NKAIN2: variants seen among roughly 807,000 people sequenced by gnomAD.
NKAIN2 encodes sodium/potassium-transporting ATPase subunit beta-1-interacting protein 2.
NKAIN2 carries 14 observed loss-of-function variants against 32.6 expected under a neutral mutation model. The ratio of observed to expected loss-of-function variants is 0.43; its 90% CI spans 0.28 to 0.67. The LOEUF is 0.67. Among genes scored for constraint, NKAIN2 ranks in the 30% least tolerant of loss-of-function variants. NKAIN2 has a pLI of 0.17. For missense variants in NKAIN2, 198 were observed against 258.3 expected, an observed-to-expected ratio of 0.77 and a Z score of 1.60; for synonymous variants, 80 against 87.2, an observed-to-expected ratio of 0.92 and a Z score of 0.46.
At chr6:123,850,800 C>T (rs1428041498) in intron 1 of NKAIN2, among the ~76,000 whole-genome samples, 2 of 152,104 alleles carry the variant, frequency 1.3e-5, no homozygotes, top group Non-Finnish European at 2.9e-5. Flanking sequence ...ACTGTAGTCA[C>T]CATGTTGTAC....
chr6:124,660,392 G>A (rs1252309230), intron 4 of NKAIN2, among the ~76,000 whole-genome samples: 1 of 152,136 alleles, frequency 6.6e-6, no homozygotes, highest in Non-Finnish European at 1.5e-5. Flanking sequence ...TAGGGAATGT[G>A]CTAAAAAAAT....
intron 1 of NKAIN2, among the ~76,000 whole-genome samples, chr6:124,108,566 A>G (rs899611755): frequency 6.6e-6 from 1 of 151,896 alleles, no homozygotes; most frequent in African/African-American, 2.4e-5. Flanking sequence ...TGTCTCTTTT[A>G]GTGTTTAATG....
intron 2 of NKAIN2, among the ~76,000 whole-genome samples, chr6:124,302,728 T>C (rs1796339480): frequency 6.6e-6 from 1 of 151,956 alleles, no homozygotes; most frequent in Non-Finnish European, 1.5e-5. Flanking sequence ...ACACAACAAA[T>C]AAATAGTAAG....
chr6:123,987,007 C>T (rs1779168511), intron 1 of NKAIN2, among the ~76,000 whole-genome samples: 1 of 152,086 alleles, frequency 6.6e-6, no homozygotes, highest in Non-Finnish European at 1.5e-5. Context: ...TTGAAGTTGA[C>T]CTTAAATTCA....
intron 6 of NKAIN2, among the ~76,000 whole-genome samples, chr6:124,821,248 T>C (rs1404343773): frequency 2.7e-5 from 4 of 150,494 alleles, no homozygotes; most frequent in Non-Finnish European, 5.9e-5. Flanking sequence ...TGAGCAAAGA[T>C]CGTGCCACTG....
intron 4 of NKAIN2, among the ~76,000 whole-genome samples, chr6:124,676,093 C>T (rs751477786): frequency 3.3e-5 from 5 of 151,958 alleles, no homozygotes; most frequent in South Asian, 2.1e-4. Context: ...GTTGGTTGTT[C>T]GAGAATGTAT....
intron 3 of NKAIN2, among the ~76,000 whole-genome samples, chr6:124,578,527 G>T (rs1415403836): frequency 6.6e-6 from 1 of 151,886 alleles, no homozygotes; most frequent in Non-Finnish European, 1.5e-5. Flanking sequence ...ACTTCATCTT[G>T]TGGCTTGGAT....
chr6:124,487,676 C>G (rs749666844), intron 3 of NKAIN2, among the ~76,000 whole-genome samples: 1 of 152,086 alleles, frequency 6.6e-6, no homozygotes, highest in African/African-American at 2.4e-5. Flanking sequence ...TATCGGTGAT[C>G]ATTCTCTTTT....
chr6:124,001,197 A>C (rs1394455712), intron 1 of NKAIN2, among the ~76,000 whole-genome samples: 1 of 151,134 alleles, frequency 6.6e-6, no homozygotes, highest in African/African-American at 2.4e-5. Flanking sequence ...TAGTTTGTAA[A>C]CTTTTTTTTT....
At position 124,658,230 on chromosome 6, in the gene NKAIN2, T is replaced by G; in HGVS notation, c.318T>G (p.Ser106=). Residue 106 remains serine (S), a synonymous_variant, in exon 4 of 7, where the codon TCT becomes TCG. Transcript: ENST00000368417. ...CTTTTAATATATCAATGCACCGATCTTGGTGGATGGAGAATGGACCAGGAT... is the reference window on the plus strand; with the variant it reads ...CTTTTAATATATCAATGCACCGATCGTGGTGGATGGAGAATGGACCAGGAT... The part of the protein sequence containing the change: ...ILTFNISMHR[S]WWMENGPGCT... The G allele has an allele frequency of 6.2e-7, 1 of 1,613,836 alleles. No homozygotes were observed.
At chr6:123,955,711 G>A (rs1013223501) in intron 1 of NKAIN2, among the ~76,000 whole-genome samples, 9 of 151,460 alleles carry the variant, frequency 5.9e-5, no homozygotes, top group African/African-American at 2.2e-4. Context: ...ATGCAACCTC[G>A]AACTCCTGGT....
chr6:124,712,880 A>G (rs907035526), intron 4 of NKAIN2, among the ~76,000 whole-genome samples: 122 of 152,124 alleles, frequency 8.0e-4, no homozygotes, highest in Non-Finnish European at 8.8e-4. Flanking sequence ...TAAGCAGAAT[A>G]ACATTGCATC....
At chr6:123,990,808 C>G (rs1361724681) in intron 1 of NKAIN2, among the ~76,000 whole-genome samples, 1 of 152,142 alleles carries the variant, frequency 6.6e-6, no homozygotes, top group Non-Finnish European at 1.5e-5. Flanking sequence ...AGTTCCTGTA[C>G]TGCTCTCTCT....
intron 4 of NKAIN2, among the ~76,000 whole-genome samples, chr6:124,757,762 AC>A (rs1778034108): frequency 6.6e-6 from 1 of 152,182 alleles, no homozygotes; most frequent in South Asian, 2.1e-4. Context: ...CTAATGAGTG[AC>A]TTGTTATCTT....
chr6:124,107,052 C>T (rs1422709149), intron 1 of NKAIN2, among the ~76,000 whole-genome samples: 1 of 152,112 alleles, frequency 6.6e-6, no homozygotes, highest in African/African-American at 2.4e-5. Flanking sequence ...GGTAAGGCCT[C>T]GGGAGTTGTT....
At chr6:123,986,032 T>C (rs932028766) in intron 1 of NKAIN2, among the ~76,000 whole-genome samples, 24 of 152,210 alleles carry the variant, frequency 1.6e-4, no homozygotes, top group Non-Finnish European at 3.5e-4. Context: ...ATTTTATAAA[T>C]TTCTCTTTTT....
intron 4 of NKAIN2, among the ~76,000 whole-genome samples, chr6:124,752,757 A>G (rs1272365751): frequency 6.6e-6 from 1 of 152,108 alleles, no homozygotes; most frequent in African/African-American, 2.4e-5. Flanking sequence ...TGTATATCTA[A>G]GTATGCATCC....
chr6:123,868,547 C>T (rs1382848219), intron 1 of NKAIN2, among the ~76,000 whole-genome samples: 1 of 152,082 alleles, frequency 6.6e-6, no homozygotes, highest in African/African-American at 2.4e-5. Context: ...CTGAGTTTCT[C>T]AGTAATACAT....
chr6:123,825,402 A>G (rs1774106285), intron 1 of NKAIN2, among the ~76,000 whole-genome samples: 1 of 152,266 alleles, frequency 6.6e-6, no homozygotes. Context: ...TAGTTAATTG[A>G]TAAGTTTTAT....
Sources: gnomAD v4.1 joint callset for allele counts (sites outside exome capture counted in the v4.1 genomes callset) on GRCh38, gnomAD v4.1.1 for gene constraint, MANE v1.5 for transcripts, NCBI Gene and HGNC (gene_info 2026-07-23, HGNC 2026-07-21) for gene names.